The following MEX3A variants were observed in gnomAD, a reference collection of about 807,000 sequenced individuals.
The protein encoded by MEX3A is RNA-binding protein MEX3A.
Under a neutral mutation model 30.0 loss-of-function variants are expected in MEX3A, and 4 were observed. That is an observed-to-expected ratio of 0.13 (90% CI 0.07 to 0.30). MEX3A has a LOEUF of 0.30. MEX3A is among the 10% of genes least tolerant of loss of function. The pLI, the probability that MEX3A is intolerant of heterozygous loss-of-function variation, is 1.00. For missense variants in MEX3A, 555 were observed against 736.7 expected, an observed-to-expected ratio of 0.75 and a Z score of 2.86; for synonymous variants, 335 against 327.6, an observed-to-expected ratio of 1.02 and a Z score of -0.24.
chr1:156,075,240 G>GAGGATTCAAGCTAATA lies in MEX3A; in HGVS notation c.*1318_*1333dup, dbSNP rs1035403059. On this transcript the variant is annotated 3_prime_UTR_variant, in exon 2 of 2. Transcript: ENST00000532414. ...GGACACAGACTCCATGATTTGCATG[G>GAGGATTCAAGCTAATA]AGGATTCAAGCTAATAAGGATTCAA... 2 of 152,326 alleles carry GAGGATTCAAGCTAATA rather than the reference G, an allele frequency of 1.3e-5. No individual in the cohort carries two copies. The highest frequency in any genetic ancestry group is 6.5e-5 in the Admixed American group (1 of 15,272). The allele number at this position is 152,326 out of a possible 1,614,324, so 9.4% of individuals were successfully genotyped here.
chr1:156,078,536 G>A (rs928976268), intron 1 of MEX3A, among the ~76,000 whole-genome samples: 1 of 152,126 alleles, frequency 6.6e-6, no homozygotes, highest in African/African-American at 2.4e-5. Context: ...AAGTAGAAGT[G>A]AGTTAAAGCT....
Position 156,077,315 on chromosome 1 carries a change from T to C in MEX3A, c.822A>G (p.Pro274=). Residue 274 remains proline (P), a synonymous_variant, in exon 2 of 2, where the codon CCA becomes CCG. Coordinates refer to ENST00000532414, the MANE Select transcript of MEX3A (RefSeq NM_001093725.2). The surrounding 1 kb of genome is among the most constrained non-coding windows in gnomAD (Gnocchi z 8.3). ...RDPVFEITGA[P]GNVERAREEI... is the part of the protein sequence containing the mutation. ...CCTCGCGCGCACGCTCCACGTTGCC[T>C]GGGGCACCCGTGATCTCGAACACGG... 1 of 1,613,938 alleles carries C rather than the reference T, an allele frequency of 6.2e-7. No homozygotes were observed.
At chr1:156,078,443 G>C (rs1270096260) in intron 1 of MEX3A, among the ~76,000 whole-genome samples, 1 of 152,148 alleles carries the variant, frequency 6.6e-6, no homozygotes, top group Admixed American at 6.5e-5. Flanking sequence ...TTGTCCCCCT[G>C]TCCCCTGGGG....
Position 156,076,653 on chromosome 1 carries a change from A to C in MEX3A, c.1484T>G (p.Val495Gly), listed in dbSNP as rs1347996862. ...TGGGTCCGTCCTCTCGCAGATGCGT[A>C]CTGCACACTCCATGCAGAACAGGTT... ...GHNLFCMECA[V>G]RICERTDPEC... is the part of the protein sequence containing the mutation. Residue 495 changes from valine (V) to glycine (G), a missense_variant, in exon 2 of 2, where the codon GTA becomes GGA. Around this residue, in one of 6 missense-constraint regions of MEX3A, gnomAD observed 15 missense variants for 59.4 expected, o/e 0.25. Transcript: ENST00000532414. The surrounding 1 kb of genome is among the most constrained non-coding windows in gnomAD (Gnocchi z 6.0). 6.2e-7 allele frequency: 1 copy of C among 1,613,944 alleles called. No homozygotes were observed. Among genetic ancestry groups the C allele is most frequent in the Non-Finnish European group, 8.5e-7 (1 of 1,179,880 alleles).
rs368104057 is a variant in MEX3A at position 156,077,450 on chromosome 1, C to T, written c.687G>A (p.Arg229=). The T allele has an allele frequency of 1.9e-6, 3 of 1,613,630 alleles. No homozygotes were observed. In the Admixed American group the frequency reaches 5.0e-5, roughly 27 times the overall value. Reference sequence around the variant, plus strand: ...CCAGCCCCACCACGCGGTAGGGCACCCGCACACGGATGGTCACCTGGCCGG... The same window carrying T: ...CCAGCCCCACCACGCGGTAGGGCACTCGCACACGGATGGTCACCTGGCCGG... ...ALPGQVTIRV[R]VPYRVVGLVV... The change falls in exon 2 of 2, where the codon CGG becomes CGA. Residue 229 remains arginine, a synonymous_variant. Coordinates refer to ENST00000532414, the MANE Select transcript of MEX3A (RefSeq NM_001093725.2). This position sits in a 1 kb window ranked among gnomAD's most constrained non-coding sequence, Gnocchi z 8.3.
At chr1:156,078,968 G>A (rs1199568592) in intron 1 of MEX3A, among the ~76,000 whole-genome samples, 1 of 152,008 alleles carries the variant, frequency 6.6e-6, no homozygotes, top group African/African-American at 2.4e-5. Context: ...CCGCACCCAT[G>A]ACTTTCACCC....
At position 156,082,234 on chromosome 1, in the gene MEX3A, T is replaced by TG. The variant is rs1219946598; in HGVS notation, c.-237dup. ...CTCGCCCCAGCCCCCGGGGTGGGGG[T>TG]GGGGGGAAAGAGAAGCAAAACCAAG... On this transcript the variant is annotated 5_prime_UTR_variant, in exon 1 of 2. Transcript: ENST00000532414. Among the ~76,000 whole-genome samples the TG allele has an allele frequency of 1.6e-5, 1 of 63,298 alleles. No homozygotes were observed. Among genetic ancestry groups the TG allele is most frequent in the Admixed American group, 2.0e-4 (1 of 4,940 alleles). 41.5% of individuals were successfully genotyped at this position (63,298 alleles called of 152,430 possible). A position where few individuals can be genotyped will look rare whatever the true frequency, so the allele number is the denominator to read the frequency against.
chr1:156,072,019 A>G lies in MEX3A; in HGVS notation c.*4555T>C, dbSNP rs968654584. 6.5e-6 allele frequency: 1 copy of G among 152,802 alleles called. No individual in the cohort carries two copies. Among genetic ancestry groups the G allele is most frequent in the African/African-American group, 2.4e-5 (1 of 41,462 alleles). The allele number at this position is 152,802 out of a possible 1,614,324, so 9.5% of individuals were successfully genotyped here. A position where few individuals can be genotyped will look rare whatever the true frequency, so the allele number is the denominator to read the frequency against. Reference sequence around the variant, plus strand: ...AGAGAACGAAGACAGAGCCTTAAGTAATAGTACTTTTAATAAAATTAAGTT... The same window carrying G: ...AGAGAACGAAGACAGAGCCTTAAGTGATAGTACTTTTAATAAAATTAAGTT... On this transcript the variant is annotated 3_prime_UTR_variant, in exon 2 of 2. Transcript: ENST00000532414.
chr1:156,076,702 C>A lies in MEX3A; in HGVS notation c.1435G>T (p.Ala479Ser). ...TTGTGTCCGCAGGGCACAAGGGCGG[C>A]AGTCACTTCGCTCTCAAAGCAGACC... ...CMVCFESEVT[A>S]ALVPCGHNLF... is the part of the protein sequence containing the mutation. The change falls in exon 2 of 2, where the codon GCC becomes TCC. Residue 479 changes from alanine (A) to serine (S), a missense_variant. Coordinates refer to ENST00000532414, the MANE Select transcript of MEX3A (RefSeq NM_001093725.2). This position sits in a 1 kb window ranked among gnomAD's most constrained non-coding sequence, Gnocchi z 6.0. The A allele has an allele frequency of 6.2e-7, 1 of 1,613,826 alleles. No homozygotes were observed. The highest frequency in any genetic ancestry group is 8.5e-7 in the Non-Finnish European group (1 of 1,179,820).
chr1:156,079,879 G>C (rs1648172938), intron 1 of MEX3A, among the ~76,000 whole-genome samples: 1 of 152,110 alleles, frequency 6.6e-6, no homozygotes, highest in African/African-American at 2.4e-5. Flanking sequence ...CTGGTGGTGG[G>C]TCTCTTCCTG....
chr1:156,076,800 C>G lies in MEX3A; in HGVS notation c.1337G>C (p.Gly446Ala). The G allele has an allele frequency of 6.4e-7, 1 of 1,562,498 alleles. No individual in the cohort carries two copies. Among genetic ancestry groups the G allele is most frequent in the Non-Finnish European group, 8.7e-7 (1 of 1,153,628 alleles). The change falls in exon 2 of 2, where the codon GGA becomes GCA. Residue 446 changes from glycine (G) to alanine (A), a missense_variant. Gly to Ala is a moderately conservative substitution (Grantham distance 60). Transcript: ENST00000532414. This position sits in a 1 kb window ranked among gnomAD's most constrained non-coding sequence, Gnocchi z 6.0. ...ELAGLPRRPP[G>A]EPLQGFSKLG... Reference sequence around the variant, plus strand: ...TTTAGAGAAGCCCTGGAGCGGCTCTCCCGGGGGGCGCCTCGGGAGTCCGGC... The same window carrying G: ...TTTAGAGAAGCCCTGGAGCGGCTCTGCCGGGGGGCGCCTCGGGAGTCCGGC...
chr1:156,081,340 G>A (rs2102779193), intron 1 of MEX3A, among the ~76,000 whole-genome samples: 1 of 152,342 alleles, frequency 6.6e-6, no homozygotes, highest in East Asian at 1.9e-4. Context: ...CAGAGTCCTG[G>A]GGGAGGAAGG....
rs774022866 is a variant in MEX3A at position 156,077,248 on chromosome 1, C to G, written c.889G>C (p.Glu297Gln). 1 of 1,613,824 alleles carries G rather than the reference C, an allele frequency of 6.2e-7. No individual in the cohort carries two copies. Among genetic ancestry groups the G allele is most frequent in the Non-Finnish European group, 8.5e-7 (1 of 1,179,850 alleles). Reference sequence around the variant, plus strand: ...AGGAAGTCGTTTTCATTGTTGTACTCGAGGATCTTGCCAGTGCGCACCGCG... The same window carrying G: ...AGGAAGTCGTTTTCATTGTTGTACTGGAGGATCTTGCCAGTGCGCACCGCG... ...HIAVRTGKILEYNNENDFLAG... is the reference protein window; with the variant it reads ...HIAVRTGKILQYNNENDFLAG... Residue 297 changes from glutamate (E) to glutamine (Q), a missense_variant, in exon 2 of 2, where the codon GAG becomes CAG. Glu to Gln is a conservative substitution (Grantham distance 29). Transcript: ENST00000532414. The surrounding 1 kb of genome is among the most constrained non-coding windows in gnomAD (Gnocchi z 8.3).
Position 156,081,791 on chromosome 1 carries a change from G to A in MEX3A, c.208C>T (p.Pro70Ser). 9.6e-7 allele frequency: 1 copy of A among 1,042,114 alleles called. No individual in the cohort carries two copies. The highest frequency in any genetic ancestry group is 1.2e-6 in the Non-Finnish European group (1 of 833,250). The allele number at this position is 1,042,114 out of a possible 1,614,324, so 64.6% of individuals were successfully genotyped here. ...TGCGGGGGGGCGGCCGGCTGCGCGG[G>A]GGCGCCGCCCCCCCCACCTCCCCCG... ...EDGGGGGGGAPAQPAAPPQPA... is the reference protein window; with the variant it reads ...EDGGGGGGGASAQPAAPPQPA... Residue 70 changes from proline (P) to serine (S), a missense_variant, in exon 1 of 2, where the codon CCC (proline) becomes TCC (serine). By Grantham distance (74) the Pro-to-Ser change is moderately conservative (BLOSUM62 -1). This residue lies in a region of MEX3A where 159 missense variants were observed against 159.9 expected (regional missense o/e 0.99). Coordinates refer to ENST00000532414, the MANE Select transcript of MEX3A (RefSeq NM_001093725.2).
chr1:156,080,464 G>T (rs1019946786), intron 1 of MEX3A, among the ~76,000 whole-genome samples: 3 of 152,024 alleles, frequency 2.0e-5, no homozygotes, highest in Non-Finnish European at 4.4e-5. Flanking sequence ...CCGGAATGCA[G>T]CTCCTCTATT....
intron 1 of MEX3A, among the ~76,000 whole-genome samples, chr1:156,080,282 A>C (rs1648180953): frequency 6.6e-6 from 1 of 152,086 alleles, no homozygotes. Flanking sequence ...CCCCAGGGGG[A>C]TGAGGGCTGT....
At position 156,076,748 on chromosome 1, in the gene MEX3A, G is replaced by C; in HGVS notation, c.1389C>G (p.Pro463=). The change falls in exon 2 of 2, where the codon CCC becomes CCG. Residue 463 remains proline, a synonymous_variant. Transcript: ENST00000532414. The surrounding 1 kb of genome is among the most constrained non-coding windows in gnomAD (Gnocchi z 6.0). ...SKLGGGGLRS[P]GGGRDCMVCF... The stretch of plus-strand genomic sequence containing the variant: ...AGACCATGCAATCCCGCCCGCCGCC[G>C]GGGCTCCGCAGGCCGCCCCCACCAA... 2 of 1,605,446 alleles carry C rather than the reference G, an allele frequency of 1.2e-6. No homozygotes were observed. The highest frequency in any genetic ancestry group is 1.7e-6 in the Non-Finnish European group (2 of 1,176,008).
rs542009156 is a variant in MEX3A at position 156,073,821 on chromosome 1, C to T, written c.*2753G>A. 1 of 152,828 alleles carries T rather than the reference C, an allele frequency of 6.5e-6. No individual in the cohort carries two copies. The highest frequency in any genetic ancestry group is 2.4e-5 in the African/African-American group (1 of 41,552). The allele number at this position is 152,828 out of a possible 1,614,324, so 9.5% of individuals were successfully genotyped here. On this transcript the variant is annotated 3_prime_UTR_variant, in exon 2 of 2. Transcript: ENST00000532414. Reference sequence around the variant, plus strand: ...TGCTAGGCCTTAATTCTGGATTCCCCCTCCTCACTTGCCCCTGCGACAGGG... The same window carrying T: ...TGCTAGGCCTTAATTCTGGATTCCCTCTCCTCACTTGCCCCTGCGACAGGG...
At position 156,078,355 on chromosome 1, in the gene MEX3A, T is replaced by G. The variant is rs1572299501; in HGVS notation, c.455-673A>C. Among the ~76,000 whole-genome samples the G allele has an allele frequency of 3.3e-5, 5 of 152,134 alleles. No homozygotes were observed. In the Middle Eastern group the frequency reaches 0.01, roughly 313 times the overall value. On this transcript the variant is annotated intron_variant, in intron 1 of 1. Transcript: ENST00000532414. ...TAGGGGACTGGGAAAGGTCTGACAA[T>G]CATAAGTTCAAGGAGGAAAGGAGGA... is the stretch of plus-strand genomic sequence containing the variant.
Sources: gnomAD v4.1 joint callset for allele counts (sites outside exome capture counted in the v4.1 genomes callset) on GRCh38, gnomAD v4.1.1 for gene constraint, gnomAD v4.1.1 regional missense constraint, Gnocchi (gnomAD v3.1) non-coding constraint, MANE v1.5 for transcripts, NCBI Gene and HGNC (gene_info 2026-07-23, HGNC 2026-07-21) for gene names.